The following HAAO variants were observed in gnomAD, a reference collection of about 807,000 sequenced individuals.
HAAO encodes the protein 3-hydroxyanthranilate 3,4-dioxygenase, also known as 3-hydroxyanthranilate oxygenase.
In HAAO, 49 loss-of-function variants were observed where a neutral mutation model predicts 46.2. That is an observed-to-expected ratio of 1.06 (90% confidence interval 0.84 to 1.34). The LOEUF (loss-of-function observed/expected upper bound fraction) is 1.34. Among genes scored for constraint, HAAO ranks in the 40% most tolerant of loss-of-function variants. The pLI is 0.00. For missense variants in HAAO, 408 were observed against 364.5 expected, an observed-to-expected ratio of 1.12 and a Z score of -0.97; for synonymous variants, 157 against 145.2, an observed-to-expected ratio of 1.08 and a Z score of -0.58.
intron 7 of HAAO, 29 bp from the exon 8 acceptor site, chr2:42,767,957 G>C: frequency 6.2e-7 from 1 of 1,602,548 alleles, no homozygotes; most frequent in Non-Finnish European, 8.5e-7. Flanking sequence ...GAAACTTCTG[G>C]TGCTTCTTGC....
intron 4 of HAAO, among the ~76,000 whole-genome samples, chr2:42,775,911 C>G (rs1671532231): frequency 8.8e-6 from 1 of 113,314 alleles, no homozygotes; most frequent in Non-Finnish European, 1.8e-5. Context: ...TGAGGTTACT[C>G]TTACTCTTGA....
intron 1 of HAAO, among the ~76,000 whole-genome samples, chr2:42,790,547 T>C (rs1672716597): frequency 1.4e-5 from 1 of 71,752 alleles, no homozygotes; most frequent in South Asian, 5.8e-4. Flanking sequence ...TTTTTTTTTT[T>C]TTTCAGATAG....
At chr2:42,771,701 G>T (rs12475574) in intron 4 of HAAO, among the ~76,000 whole-genome samples, 57,027 of 152,258 alleles carry the variant, frequency 0.37, 11,776 homozygotes, top group African/African-American at 0.52. Flanking sequence ...GGCCCCTGTG[G>T]GTGCTGCACA....
At chr2:42,783,504 G>C (rs1672162771) in intron 3 of HAAO, 84 bp from the exon 4 acceptor site, 1 of 887,110 alleles carries the variant, frequency 1.1e-6, no homozygotes, top group Non-Finnish European at 1.8e-6. Context: ...GGCATCCCCA[G>C]CTGACCCCCG....
intron 4 of HAAO, among the ~76,000 whole-genome samples, chr2:42,779,414 C>T (rs774770847): frequency 2.0e-4 from 30 of 152,040 alleles, no homozygotes; most frequent in East Asian, 7.8e-4. Context: ...CTCCGCCTCC[C>T]GGGTTCAAGC....
intron 4 of HAAO, among the ~76,000 whole-genome samples, chr2:42,771,271 G>GA (rs909313189): frequency 4.0e-5 from 6 of 151,210 alleles, no homozygotes; most frequent in African/African-American, 7.3e-5. Context: ...ACAAAAGATA[G>GA]AAAAAAAATA....
In HAAO at chr2:42,769,575, G is replaced by C. The variant is rs373204098; in HGVS notation, c.630+138C>G. 9.7e-5 allele frequency: 5 copies of C among 51,350 alleles called. No homozygotes were observed. In the African/African-American group the frequency reaches 1.7e-3, roughly 17 times the overall value. 3.2% of individuals were successfully genotyped at this position (51,350 alleles called of 1,614,324 possible). A position where few individuals can be genotyped will look rare whatever the true frequency, so the allele number is the denominator to read the frequency against. On this transcript the variant is annotated intron_variant, in intron 7 of 9. Coordinates refer to ENST00000294973, the MANE Select transcript of HAAO (RefSeq NM_012205.3). ...CATGTCTACAACCTCTGAAATGTGT[G>C]TGTGTGTGTGTGTGTGTGTGTGTGT...
At chr2:42,782,359 G>C (rs577851273) in intron 4 of HAAO, among the ~76,000 whole-genome samples, 159 of 152,254 alleles carry the variant, frequency 1.0e-3, no homozygotes, top group African/African-American at 3.5e-3. Context: ...GTTGGTTGTT[G>C]TTTTTCTCCC....
Position 42,792,505 on chromosome 2 carries a change from A to C in HAAO, c.32T>G (p.Val11Gly). 2 of 1,592,984 alleles carry C rather than the reference A, an allele frequency of 1.3e-6. No individual in the cohort carries two copies. The highest frequency in any genetic ancestry group is 1.7e-6 in the Non-Finnish European group (2 of 1,170,380). The change falls in exon 1 of 10, where the codon GTG (valine) becomes GGG (glycine). Residue 11 changes from valine to glycine, a missense_variant. Coordinates refer to ENST00000294973, the MANE Select transcript of HAAO (RefSeq NM_012205.3). MERRLGVRAW[V>G]KENRGSFQPP... is the part of the protein sequence containing the mutation. The stretch of plus-strand genomic sequence containing the variant: ...CTGGAAGGAGCCCCGGTTCTCCTTC[A>C]CCCAGGCCCTCACTCCCAGGCGGCG...
At chr2:42,774,116 A>G (rs1405044044) in intron 4 of HAAO, among the ~76,000 whole-genome samples, 4 of 152,118 alleles carry the variant, frequency 2.6e-5, no homozygotes, top group Admixed American at 6.5e-5. Flanking sequence ...ATGTTAATTG[A>G]TGTCTCTTGT....
chr2:42,773,760 G>A (rs894146313), intron 4 of HAAO, among the ~76,000 whole-genome samples: 3 of 152,020 alleles, frequency 2.0e-5, no homozygotes, highest in Non-Finnish European at 4.4e-5. Flanking sequence ...CTAATTTTTT[G>A]TATTTTTAGT....
chr2:42,773,885 C>T lies in HAAO; in HGVS notation c.351-3303G>A, dbSNP rs141090164. Among the ~76,000 whole-genome samples the T allele has an allele frequency of 8.9e-3, 1,353 of 152,326 alleles. 14 individuals are homozygous for T. Among genetic ancestry groups the T allele is most frequent in the African/African-American group, 0.031 (1,272 of 41,574 alleles). On this transcript the variant is annotated intron_variant, in intron 4 of 9. Coordinates refer to ENST00000294973, the MANE Select transcript of HAAO (RefSeq NM_012205.3). The stretch of plus-strand genomic sequence containing the variant: ...GATTACAAGCGTGTGCCACTGCGCC[C>T]GGCTACCTGCCCCCCATTGTATTCA...
At chr2:42,770,639 G>T in intron 4 of HAAO, 57 bp from the exon 5 acceptor site, 1 of 1,119,826 alleles carries the variant, frequency 8.9e-7, no homozygotes, top group Non-Finnish European at 1.3e-6. Flanking sequence ...CTTCAGGGCA[G>T]CCCCACTCAG....
At chr2:42,787,217 A>T (rs1036661585) in intron 2 of HAAO, among the ~76,000 whole-genome samples, 1 of 151,976 alleles carries the variant, frequency 6.6e-6, no homozygotes, top group Non-Finnish European at 1.5e-5. Flanking sequence ...CCCTCAGGGG[A>T]CACTCAGGCA....
At chr2:42,773,410 A>G (rs1671297861) in intron 4 of HAAO, among the ~76,000 whole-genome samples, 1 of 151,968 alleles carries the variant, frequency 6.6e-6, no homozygotes, top group Admixed American at 6.6e-5. Flanking sequence ...GGGGGGAAGC[A>G]GCAGTTCTGG....
chr2:42,790,361 C>T (rs964137355), intron 1 of HAAO, among the ~76,000 whole-genome samples: 43 of 151,596 alleles, frequency 2.8e-4, no homozygotes, highest in African/African-American at 8.7e-4. Context: ...AGGGAAGCCG[C>T]AAGGAACTTG....
chr2:42,767,361 G>A lies in HAAO; in HGVS notation c.*76C>T. 2 of 973,898 alleles carry A rather than the reference G, an allele frequency of 2.1e-6. No homozygotes were observed. Among genetic ancestry groups the A allele is most frequent in the Non-Finnish European group, 3.3e-6 (2 of 612,110 alleles). The allele number at this position is 973,898 out of a possible 1,614,324, so 60.3% of individuals were successfully genotyped here. ...AGTACACAGAGAGGTAGTGGGGGCT[G>A]GGAGAGTTGTTTGGCAGGGATGGCA... On this transcript the variant is annotated 3_prime_UTR_variant, in exon 10 of 10. Coordinates refer to ENST00000294973, the MANE Select transcript of HAAO (RefSeq NM_012205.3).
At position 42,783,776 on chromosome 2, in the gene HAAO, G is replaced by T. The variant is rs371724596; in HGVS notation, c.243+8C>A. On this transcript the variant is annotated splice_region_variant and intron_variant, in intron 3 of 9. Coordinates refer to ENST00000294973, the MANE Select transcript of HAAO (RefSeq NM_012205.3). ...TCTCTTCCCCACCCTGCTGGGATCC[G>T]GCCTCACCTCTCCCTGCCGAATGAC... 13 of 1,608,998 alleles carry T rather than the reference G, an allele frequency of 8.1e-6. No homozygotes were observed. The highest frequency in any genetic ancestry group is 8.5e-7 in the Non-Finnish European group (1 of 1,177,302).
chr2:42,770,326 C>T (rs1671012237), intron 5 of HAAO, 140 bp from the exon 6 acceptor site: 1 of 873,806 alleles, frequency 1.1e-6, no homozygotes, highest in Non-Finnish European at 1.8e-6. Context: ...GTGTGTCTGC[C>T]ATCCTTTCCC....
Sources: gnomAD v4.1 joint callset for allele counts (sites outside exome capture counted in the v4.1 genomes callset) on GRCh38, gnomAD v4.1.1 for gene constraint, MANE v1.5 for transcripts, NCBI Gene and HGNC (gene_info 2026-07-23, HGNC 2026-07-21) for gene names.